MYO5A: variants seen among roughly 807,000 people sequenced by gnomAD.
MYO5A encodes the protein unconventional myosin-Va.
Under a neutral mutation model 249.7 loss-of-function variants are expected in MYO5A, and 98 were observed. The observed-to-expected ratio is 0.39, with a 90% CI of 0.33 to 0.46. The LOEUF is 0.46. Among genes scored for constraint, MYO5A ranks in the 20% least tolerant of loss-of-function variants. The pLI, the probability that MYO5A is intolerant of heterozygous loss-of-function variation, is 0.98. For synonymous variants in MYO5A, 778 were observed against 810.6 expected (o/e 0.96, Z 0.68); for missense variants, 1,696 against 2,308.8 (o/e 0.73, Z 5.44).
chr15:52,313,870 A>G (rs779033243), intron 41 of MYO5A, 22 bp from the exon 42 acceptor site: 1 of 1,613,126 alleles, frequency 6.2e-7, no homozygotes. Context: ...AGGAAAAAAA[A>G]TAAACAGAGC....
At chr15:52,395,008 T>C (rs1354767034) in intron 11 of MYO5A, among the ~76,000 whole-genome samples, 1 of 152,208 alleles carries the variant, frequency 6.6e-6, no homozygotes, top group African/African-American at 2.4e-5. Context: ...ATAAAGATGG[T>C]TCAAGTTTTT....
At chr15:52,429,422 C>T (rs940144372) in intron 2 of MYO5A, among the ~76,000 whole-genome samples, 2 of 152,054 alleles carry the variant, frequency 1.3e-5, no homozygotes, top group Non-Finnish European at 2.9e-5. Context: ...GGCATGGTGG[C>T]TCATGCCTGT....
chr15:52,355,799 T>C lies in MYO5A; in HGVS notation c.3424-1785A>G, dbSNP rs968018162. Among the ~76,000 whole-genome samples the C allele has an allele frequency of 6.6e-5, 10 of 152,196 alleles. No homozygotes were observed. The East Asian group carries it at 1.9e-3, about 29-fold the overall frequency. ...ACTACTGCATTTTATATAAGAGACT[T>C]GAGCATCCTTAGATTTTGGTATTCA... On this transcript the variant is annotated intron_variant, in intron 25 of 41. Transcript: ENST00000399233.
intron 14 of MYO5A, 106 bp from the exon 15 acceptor site, chr15:52,384,428 A>G: frequency 1.8e-6 from 2 of 1,133,036 alleles, no homozygotes; most frequent in Non-Finnish European, 2.6e-6. Flanking sequence ...AATCACTGTC[A>G]GAGTCACACT....
At chr15:52,426,054 C>T (rs1285164963) in intron 3 of MYO5A, 80 bp from the exon 4 acceptor site, 29 of 1,223,928 alleles carry the variant, frequency 2.4e-5, no homozygotes, top group Non-Finnish European at 3.1e-5. Flanking sequence ...TAAAGTGAGA[C>T]TCACAGTTAA....
At chr15:52,459,146 A>ATTTTTTTTTTTTTT (rs199923318) in intron 1 of MYO5A, among the ~76,000 whole-genome samples, 5 of 49,096 alleles carry the variant, frequency 1.0e-4, no homozygotes, top group African/African-American at 1.1e-4. Flanking sequence ...ATTTTCCAGA[A>ATTTTTTTTTTTTTT]ATTTTTTTTT....
intron 1 of MYO5A, among the ~76,000 whole-genome samples, chr15:52,503,182 A>G (rs866521491): frequency 6.6e-6 from 1 of 152,264 alleles, no homozygotes; most frequent in Admixed American, 6.5e-5. Context: ...CTAACAGACT[A>G]ATTTGAATGT....
chr15:52,374,904 A>T (rs2041323562), intron 20 of MYO5A, among the ~76,000 whole-genome samples: 1 of 152,184 alleles, frequency 6.6e-6, no homozygotes, highest in African/African-American at 2.4e-5. Flanking sequence ...AATTATATAA[A>T]CAAAGAGAAA....
intron 19 of MYO5A, among the ~76,000 whole-genome samples, chr15:52,376,061 TTTAA>T (rs374530265): frequency 6.6e-6 from 1 of 152,240 alleles, no homozygotes; most frequent in African/African-American, 2.4e-5. Context: ...TCACGACTGT[TTTAA>T]TTGATACATG....
At chr15:52,482,421 G>C (rs531426110) in intron 1 of MYO5A, among the ~76,000 whole-genome samples, 2 of 152,262 alleles carry the variant, frequency 1.3e-5, no homozygotes, top group Admixed American at 1.3e-4. Context: ...GGAAAAAGAG[G>C]AGTCAACATG....
At chr15:52,391,816 G>C in intron 12 of MYO5A, 114 bp downstream of exon 12, 2 of 1,116,784 alleles carry the variant, frequency 1.8e-6, no homozygotes, top group Non-Finnish European at 2.7e-6. Context: ...ACCCCTACTT[G>C]TCACCACGAC....
rs747375246 is a variant in MYO5A at position 52,376,486 on chromosome 15, A to G, written c.2281T>C (p.Leu761=). The change falls in exon 19 of 42, where the codon TTG becomes CTG. Residue 761 remains leucine (L), a synonymous_variant. Coordinates refer to ENST00000399233, the MANE Select transcript of MYO5A (RefSeq NM_001382347.1). ...GCAGCTCTCAGTTTGTCAGCTCTCA[A>G]TTTTTCTAGATAGGCCACTTGACCG... is the stretch of plus-strand genomic sequence containing the variant. The part of the protein sequence containing the change: ...RAGQVAYLEK[L]RADKLRAACI... 40 of 1,613,994 alleles carry G rather than the reference A, an allele frequency of 2.5e-5. No homozygotes were observed. Among genetic ancestry groups the G allele is most frequent in the Non-Finnish European group, 3.3e-5 (39 of 1,180,008 alleles).
intron 16 of MYO5A, among the ~76,000 whole-genome samples, chr15:52,382,314 G>A (rs536838338): frequency 9.2e-5 from 14 of 152,194 alleles, no homozygotes; most frequent in African/African-American, 2.4e-4. Flanking sequence ...ATGGTGGCTC[G>A]CGCCTGTAAT....
intron 1 of MYO5A, among the ~76,000 whole-genome samples, chr15:52,473,606 T>C (rs1031003476): frequency 2.0e-5 from 3 of 152,262 alleles, no homozygotes; most frequent in African/African-American, 7.2e-5. Flanking sequence ...TTCAGCTTTC[T>C]ACATATGGCT....
At position 52,359,987 on chromosome 15, in the gene MYO5A, T is replaced by C; in HGVS notation, c.3404A>G (p.Asp1135Gly). The C allele has an allele frequency of 6.2e-7, 1 of 1,610,144 alleles. No homozygotes were observed. ...CTGTACCTCTGTCCTTGATGGAATG[T>C]CTTCCATTTCTGCAATTTCAGAGCT... is the stretch of plus-strand genomic sequence containing the variant. ...IFSSEIAEME[D>G]IPSRTEEPSE... Residue 1135 changes from aspartate (D) to glycine (G), a missense_variant, in exon 25 of 42, where the codon GAC (aspartate) becomes GGC (glycine). Asp to Gly is a moderately conservative substitution (Grantham distance 94). Around this residue, in one of 5 missense-constraint regions of MYO5A, gnomAD observed 412 missense variants for 453.3 expected, o/e 0.91. Coordinates refer to ENST00000399233, the MANE Select transcript of MYO5A (RefSeq NM_001382347.1).
intron 30 of MYO5A, among the ~76,000 whole-genome samples, chr15:52,343,609 T>C (rs1034417354): frequency 6.6e-6 from 1 of 152,242 alleles, no homozygotes; most frequent in African/African-American, 2.4e-5. Context: ...ATAATATTTT[T>C]CAAGATGAAT....
intron 41 of MYO5A, 82 bp from the exon 42 acceptor site, chr15:52,313,930 C>T: frequency 6.6e-7 from 1 of 1,512,726 alleles, no homozygotes; most frequent in Non-Finnish European, 9.1e-7. Flanking sequence ...TTTCTACCCT[C>T]AAATTCTCAA....
rs571945127 is a variant in MYO5A, at chr15:52,389,451, T to A, written c.1543-88A>T. On this transcript the variant is annotated intron_variant, in intron 12 of 41. Transcript: ENST00000399233. The stretch of plus-strand genomic sequence containing the variant: ...CAGCTGTCAAAAGATCTTTTATTTT[T>A]TTTTTTTGGCTTTAACTAATAACTT... 242 of 1,376,942 alleles carry A rather than the reference T, an allele frequency of 1.8e-4. 1 individual carries two copies. Among genetic ancestry groups the A allele is most frequent in the African/African-American group, 3.4e-4 (23 of 68,242 alleles). 85.3% of individuals were successfully genotyped at this position (1,376,942 alleles called of 1,614,324 possible). A position where few individuals can be genotyped will look rare whatever the true frequency, so the allele number is the denominator to read the frequency against.
intron 2 of MYO5A, 134 bp from the exon 3 acceptor site, chr15:52,428,703 A>G: frequency 1.1e-6 from 1 of 913,818 alleles, no homozygotes; most frequent in Non-Finnish European, 1.8e-6. Context: ...GCACCTTCCA[A>G]TATCACAGAA....
Sources: allele counts gnomAD v4.1 joint callset (sites outside exome capture counted in the v4.1 genomes callset), GRCh38; gene constraint gnomAD v4.1.1; regional missense constraint gnomAD v4.1.1; transcripts MANE v1.5; gene names NCBI Gene and HGNC (gene_info 2026-07-23, HGNC 2026-07-21).